EYS: variants seen among roughly 807,000 people sequenced by gnomAD.
The protein encoded by EYS is protein eyes shut homolog.
EYS carries 250 observed loss-of-function variants against 282.1 expected under a neutral mutation model. The ratio of observed to expected loss-of-function variants is 0.89; its 90% confidence interval spans 0.80 to 0.98. The LOEUF is 0.98. EYS is among the 50% of genes least tolerant of loss of function. The pLI is 0.00. For missense variants in EYS, 4,016 were observed against 3,709.0 expected, an observed-to-expected ratio of 1.08 and a Z score of -2.15; for synonymous variants, 1,355 against 1,282.9, an observed-to-expected ratio of 1.06 and a Z score of -1.20.
intron 5 of EYS, among the ~76,000 whole-genome samples, chr6:65,443,845 C>G (rs9445548): frequency 6.6e-6 from 1 of 151,428 alleles, no homozygotes; most frequent in African/African-American, 2.4e-5. Context: ...GAATATTAAT[C>G]AAATATAAGT....
At chr6:64,478,231 T>TA (rs1776331846) in intron 26 of EYS, among the ~76,000 whole-genome samples, 1 of 149,582 alleles carries the variant, frequency 6.7e-6, no homozygotes, top group Non-Finnish European at 1.5e-5. Context: ...ATTTTATTAA[T>TA]ATATTATGTT....
chr6:63,745,609 GTC>G (rs1029543812), intron 41 of EYS, among the ~76,000 whole-genome samples: 2 of 152,168 alleles, frequency 1.3e-5, no homozygotes, highest in Admixed American at 6.6e-5. Context: ...TAGATGATAT[GTC>G]TCTAACAAAC....
At chr6:64,824,301 A>C (rs79399266) in intron 19 of EYS, among the ~76,000 whole-genome samples, 5,759 of 152,036 alleles carry the variant, frequency 0.038, 126 homozygotes, top group Middle Eastern at 0.092. Context: ...TCCCACAGGA[A>C]AGGGCACATA....
At chr6:63,810,066 C>T (rs1428603390) in intron 36 of EYS, among the ~76,000 whole-genome samples, 1 of 149,834 alleles carries the variant, frequency 6.7e-6, no homozygotes, top group Non-Finnish European at 1.5e-5. Flanking sequence ...ACCGTGAAAC[C>T]CCGCCTCTAC....
intron 12 of EYS, among the ~76,000 whole-genome samples, chr6:65,065,109 T>G (rs1773706310): frequency 6.6e-6 from 1 of 152,140 alleles, no homozygotes; most frequent in Non-Finnish European, 1.5e-5. Flanking sequence ...GTGCTGAGCC[T>G]TCAGGTGTCT....
At chr6:65,001,806 T>A in intron 13 of EYS, among the ~76,000 whole-genome samples, 2 of 147,784 alleles carry the variant, frequency 1.4e-5, no homozygotes, top group Admixed American at 1.3e-4. Context: ...ATGTGTGATA[T>A]AAATTTTAAT....
chr6:64,995,318 CTG>C (rs1163867200), intron 14 of EYS, among the ~76,000 whole-genome samples: 1 of 152,172 alleles, frequency 6.6e-6, no homozygotes, highest in Non-Finnish European at 1.5e-5. Context: ...ACCTGGAAGA[CTG>C]TACCTGCTTT....
At chr6:64,830,445 C>T (rs1276816902) in intron 19 of EYS, among the ~76,000 whole-genome samples, 2 of 151,990 alleles carry the variant, frequency 1.3e-5, no homozygotes, top group African/African-American at 4.8e-5. Context: ...GCAGAGTCTT[C>T]ATTGTCATTC....
At chr6:65,576,184 T>C (rs758439809) in intron 2 of EYS, among the ~76,000 whole-genome samples, 5 of 151,894 alleles carry the variant, frequency 3.3e-5, no homozygotes, top group Non-Finnish European at 7.4e-5. Flanking sequence ...CTCAACAAAA[T>C]AACAGCAAAA....
chr6:64,679,873 T>A (rs895636699), intron 22 of EYS, among the ~76,000 whole-genome samples: 2 of 152,186 alleles, frequency 1.3e-5, no homozygotes, highest in Non-Finnish European at 2.9e-5. Context: ...CAGAACTCTT[T>A]TTATATCCTA....
intron 22 of EYS, among the ~76,000 whole-genome samples, chr6:64,785,153 T>G (rs535477832): frequency 6.6e-6 from 1 of 152,320 alleles, no homozygotes; most frequent in Admixed American, 6.5e-5. Flanking sequence ...CTAATGCATA[T>G]TTAAGCCTGT....
chr6:64,944,436 G>T (rs1270659880), intron 15 of EYS, among the ~76,000 whole-genome samples: 2 of 152,090 alleles, frequency 1.3e-5, no homozygotes, highest in African/African-American at 4.8e-5. Context: ...ACAACTGACA[G>T]AATGGGAAAA....
chr6:65,093,100 C>G (rs80267674), intron 12 of EYS, among the ~76,000 whole-genome samples: 2 of 151,996 alleles, frequency 1.3e-5, no homozygotes, highest in Non-Finnish European at 2.9e-5. Flanking sequence ...CAGTTGGTTT[C>G]TCAGCAGAAA....
chr6:65,286,837 A>G (rs1768381167), intron 12 of EYS, among the ~76,000 whole-genome samples: 1 of 151,648 alleles, frequency 6.6e-6, no homozygotes, highest in East Asian at 1.9e-4. Flanking sequence ...AAGAGTAGTA[A>G]TTTTAAAAGT....
At chr6:64,651,212 C>T (rs1768545811) in intron 22 of EYS, among the ~76,000 whole-genome samples, 1 of 152,086 alleles carries the variant, frequency 6.6e-6, no homozygotes, top group Non-Finnish European at 1.5e-5. Context: ...TTACGTATCA[C>T]TCTGTTAATT....
intron 41 of EYS, among the ~76,000 whole-genome samples, chr6:63,727,370 C>T (rs1409064804): frequency 3.3e-5 from 5 of 151,888 alleles, no homozygotes; most frequent in Admixed American, 2.0e-4. Context: ...GTGGACCAGG[C>T]GTATGCTAAC....
At chr6:64,037,835 G>T (rs764206295) in intron 33 of EYS, among the ~76,000 whole-genome samples, 1 of 152,068 alleles carries the variant, frequency 6.6e-6, no homozygotes, top group African/African-American at 2.4e-5. Context: ...ACACAGAAGG[G>T]TTTAATTTAT....
intron 31 of EYS, among the ~76,000 whole-genome samples, chr6:64,132,081 G>A (rs1048651159): frequency 6.6e-6 from 1 of 151,692 alleles, no homozygotes; most frequent in South Asian, 2.1e-4. Context: ...TTTCATTATA[G>A]TTGTCTTTCT....
At chr6:65,189,847 A>G (rs1765600488) in intron 12 of EYS, among the ~76,000 whole-genome samples, 2 of 151,838 alleles carry the variant, frequency 1.3e-5, no homozygotes, top group Non-Finnish European at 2.9e-5. Context: ...GTGAATATTT[A>G]CCATTGAATA....
Sources: gnomAD v4.1 joint callset for allele counts (sites outside exome capture counted in the v4.1 genomes callset) on GRCh38, gnomAD v4.1.1 for gene constraint, MANE v1.5 for transcripts, NCBI Gene and HGNC (gene_info 2026-07-23, HGNC 2026-07-21) for gene names.